Variants in DENND4C observed in about 807,000 individuals in gnomAD.
The protein encoded by DENND4C is DENN domain containing 4C.
A neutral mutation model predicts 203.0 loss-of-function variants in DENND4C; 108 were observed. The observed-to-expected ratio is 0.53, with a 90% CI of 0.46 to 0.62. DENND4C has a LOEUF of 0.62. DENND4C is among the 20% of genes least tolerant of loss of function. DENND4C has a pLI of 0.00. For synonymous variants in DENND4C, 871 were observed against 792.4 expected, an observed-to-expected ratio of 1.10 and a Z score of -1.67; for missense variants, 2,481 against 2,301.2, an observed-to-expected ratio of 1.08 and a Z score of -1.60.
At chr9:19,304,103 A>T (rs1002437352) in intron 9 of DENND4C, among the ~76,000 whole-genome samples, 2 of 146,002 alleles carry the variant, frequency 1.4e-5, no homozygotes, top group Non-Finnish European at 3.0e-5. Flanking sequence ...TGTAAAGGAA[A>T]ATGGGTAAAG....
At chr9:19,359,989 C>G (rs1484000001) in intron 28 of DENND4C, among the ~76,000 whole-genome samples, 1 of 152,054 alleles carries the variant, frequency 6.6e-6, no homozygotes, top group African/African-American at 2.4e-5. Context: ...TACATTCAGG[C>G]CATTGCTCTC....
At position 19,336,355 on chromosome 9, in the gene DENND4C, C is replaced by G. The variant is rs200035550; in HGVS notation, c.2675C>G (p.Ala892Gly). 3.7e-6 allele frequency: 6 copies of G among 1,613,856 alleles called. No homozygotes were observed. The highest frequency in any genetic ancestry group is 5.1e-6 in the Non-Finnish European group (6 of 1,179,962). The change falls in exon 19 of 33, where the codon GCA becomes GGA. Residue 892 changes from alanine to glycine, a missense_variant. By Grantham distance (60) the Ala-to-Gly change is moderately conservative. Around this residue, in one of 3 missense-constraint regions of DENND4C, gnomAD observed 2,289 missense variants for 2,113.3 expected, o/e 1.08. Coordinates refer to ENST00000434457, the MANE Select transcript of DENND4C (RefSeq NM_001330640.2). ...GTACGGAATGTGGTACGTGGCTTGGCACAGTTTAGGCAGCCGCTTAAAAAG... is the reference window on the plus strand; with the variant it reads ...GTACGGAATGTGGTACGTGGCTTGGGACAGTTTAGGCAGCCGCTTAAAAAG... ...TKVRNVVRGLAQFRQPLKKTV... is the reference protein window; with the variant it reads ...TKVRNVVRGLGQFRQPLKKTV...
At position 19,299,242 on chromosome 9, in the gene DENND4C, A is replaced by G; in HGVS notation, c.1121A>G (p.Asp374Gly). The part of the protein sequence containing the change: ...PRILVQLSVH[D>G]ALILSQPVST... The stretch of plus-strand genomic sequence containing the variant: ...TTTTTTTTTAAGCTGTCAGTCCATG[A>G]TGCATTAATATTATCACAGCCAGTT... Residue 374 changes from aspartate (D) to glycine (G), a missense_variant, in exon 8 of 33, where the codon GAT (aspartate) becomes GGT (glycine). By Grantham distance (94) the Asp-to-Gly change is moderately conservative (BLOSUM62 -1). Coordinates refer to ENST00000434457, the MANE Select transcript of DENND4C (RefSeq NM_001330640.2). 6.3e-7 allele frequency: 1 copy of G among 1,576,720 alleles called. No homozygotes were observed. Among genetic ancestry groups the G allele is most frequent in the Non-Finnish European group, 8.6e-7 (1 of 1,164,522 alleles).
At chr9:19,339,258 C>T (rs7026853) in intron 20 of DENND4C, among the ~76,000 whole-genome samples, 2,315 of 152,276 alleles carry the variant, frequency 0.015, 54 homozygotes, top group African/African-American at 0.053. Flanking sequence ...TTCAGGAAAA[C>T]ATTGATATAC....
intron 23 of DENND4C, among the ~76,000 whole-genome samples, chr9:19,349,779 T>G (rs963879992): frequency 2.6e-5 from 4 of 152,156 alleles, no homozygotes; most frequent in Non-Finnish European, 5.9e-5. Context: ...GTAAAACAGA[T>G]TAGTTCACAG....
At chr9:19,239,909 A>G (rs1480759818) in intron 1 of DENND4C, among the ~76,000 whole-genome samples, 2 of 152,204 alleles carry the variant, frequency 1.3e-5, no homozygotes, top group Non-Finnish European at 2.9e-5. Context: ...GCAGTGTTCT[A>G]TAAATAACAA....
intron 1 of DENND4C, among the ~76,000 whole-genome samples, chr9:19,273,375 C>T (rs1186237617): frequency 1.3e-5 from 2 of 151,974 alleles, no homozygotes; most frequent in African/African-American, 4.8e-5. Flanking sequence ...TGTAAGCCAC[C>T]ACGCTTGGCT....
At chr9:19,314,761 C>T (rs930210150) in intron 10 of DENND4C, among the ~76,000 whole-genome samples, 2 of 152,070 alleles carry the variant, frequency 1.3e-5, no homozygotes, top group Non-Finnish European at 2.9e-5. Flanking sequence ...CAGGTTGATC[C>T]TAAAGCTGGA....
intron 20 of DENND4C, 79 bp downstream of exon 20, chr9:19,336,911 C>A: frequency 7.2e-7 from 1 of 1,391,616 alleles, no homozygotes; most frequent in Non-Finnish European, 9.7e-7. Flanking sequence ...TTCTTCCATT[C>A]TTGAGTTTGT....
chr9:19,368,257 A>ATT (rs145197314), intron 30 of DENND4C, among the ~76,000 whole-genome samples: 5 of 110,794 alleles, frequency 4.5e-5, no homozygotes, highest in Non-Finnish European at 7.4e-5. Flanking sequence ...GGACTTTGCT[A>ATT]TTTTTTTTTT....
At chr9:19,316,593 C>T (rs980455687) in intron 11 of DENND4C, 28 bp from the exon 12 acceptor site, 1 of 1,605,894 alleles carries the variant, frequency 6.2e-7, no homozygotes, top group Non-Finnish European at 8.5e-7. Flanking sequence ...AACATAATAC[C>T]ATTTTCTGTT....
chr9:19,343,819 A>G (rs1384952346), intron 22 of DENND4C, among the ~76,000 whole-genome samples: 2 of 152,222 alleles, frequency 1.3e-5, no homozygotes, highest in African/African-American at 2.4e-5. Context: ...ACTTATTTTC[A>G]TATTAAGAAC....
intron 25 of DENND4C, 121 bp from the exon 26 acceptor site, chr9:19,352,369 C>G (rs1020267532): frequency 2.7e-6 from 3 of 1,106,936 alleles, no homozygotes; most frequent in East Asian, 5.2e-5. Flanking sequence ...AATAAAAGAA[C>G]TGTTATTAAT....
At chr9:19,332,930 G>A (rs1819604621) in intron 17 of DENND4C, among the ~76,000 whole-genome samples, 1 of 150,866 alleles carries the variant, frequency 6.6e-6, no homozygotes, top group African/African-American at 2.4e-5. Flanking sequence ...CTTTATTGGG[G>A]AGCAGATAGG....
At chr9:19,280,797 A>G (rs563504174) in intron 2 of DENND4C, among the ~76,000 whole-genome samples, 13 of 151,996 alleles carry the variant, frequency 8.6e-5, no homozygotes, top group East Asian at 3.9e-4. Context: ...CTGCAGTGCA[A>G]TGGTGTGATC....
intron 1 of DENND4C, among the ~76,000 whole-genome samples, chr9:19,240,278 A>G (rs140621213): frequency 5.3e-4 from 81 of 152,338 alleles, no homozygotes; most frequent in Non-Finnish European, 1.0e-3. Flanking sequence ...ACAAACCTGT[A>G]CAGCATATTA....
In DENND4C at chr9:19,369,504, C is replaced by T. The variant is rs139302448; in HGVS notation, c.5525-333C>T. ...AAATAATTGGGACTGGGACTGGGCA[C>T]AGTGGCTCATGCCTGTAACCCCAGC... On this transcript the variant is annotated intron_variant, in intron 30 of 32. Coordinates refer to ENST00000434457, the MANE Select transcript of DENND4C (RefSeq NM_001330640.2). 8.5e-4 allele frequency among the ~76,000 whole-genome samples: 130 copies of T among 152,060 alleles called. 1 individual carries two copies. Among genetic ancestry groups the T allele is most frequent in the Middle Eastern group, 3.4e-3 (1 of 294 alleles).
chr9:19,331,208 T>C (rs1375728153), intron 16 of DENND4C, among the ~76,000 whole-genome samples: 1 of 136,546 alleles, frequency 7.3e-6, no homozygotes, highest in East Asian at 2.0e-4. Context: ...GAATAGGTCC[T>C]TTTTTTTTTT....
chr9:19,319,773 A>G (rs1030443847), intron 12 of DENND4C, among the ~76,000 whole-genome samples: 3 of 152,124 alleles, frequency 2.0e-5, no homozygotes, highest in Non-Finnish European at 4.4e-5. Flanking sequence ...AATACTAACT[A>G]TCTTAATAAG....
Sources: allele counts gnomAD v4.1 joint callset (sites outside exome capture counted in the v4.1 genomes callset), GRCh38; gene constraint gnomAD v4.1.1; regional missense constraint gnomAD v4.1.1; transcripts MANE v1.5; gene names NCBI Gene and HGNC (gene_info 2026-07-23, HGNC 2026-07-21).